The following MRGPRX3 variants were observed in gnomAD, a reference collection of about 807,000 sequenced individuals.
MRGPRX3 encodes MAS related GPR family member X3, also known as mas-related G protein-coupled receptor member X3.
A neutral mutation model predicts 16.5 loss-of-function variants in MRGPRX3; 14 were observed. The ratio of observed to expected loss-of-function variants is 0.85; its 90% CI spans 0.56 to 1.33. MRGPRX3 has a LOEUF of 1.33. MRGPRX3 is among the 40% of genes most tolerant of loss of function. MRGPRX3 has a pLI of 0.00. For missense variants in MRGPRX3, 449 were observed against 413.0 expected (o/e 1.09, Z -0.76); for synonymous variants, 199 against 180.1 (o/e 1.10, Z -0.84).
At chr11:18,131,724 G>C (rs1590305875), upstream of MRGPRX3, among the ~76,000 whole-genome samples, 1 of 151,878 alleles carries the variant, frequency 6.6e-6, no homozygotes, top group East Asian at 1.9e-4. Flanking sequence ...ATACAACTCA[G>C]CCATAAAAAA....
chr11:18,134,842 C>T (rs1403373671), intron 1 of MRGPRX3, among the ~76,000 whole-genome samples: 1 of 152,220 alleles, frequency 6.6e-6, no homozygotes. Context: ...TTCCACTTAA[C>T]AGCACCTGCT....
intron 1 of MRGPRX3, among the ~76,000 whole-genome samples, chr11:18,121,425 G>A (rs1481534856): frequency 7.9e-5 from 12 of 151,864 alleles, no homozygotes; most frequent in Non-Finnish European, 1.5e-4. Flanking sequence ...CCCTCTGCCA[G>A]GCCACACGCT....
intron 1 of MRGPRX3, among the ~76,000 whole-genome samples, chr11:18,133,578 G>A (rs12287904): frequency 1.1e-4 from 16 of 152,042 alleles, no homozygotes; most frequent in African/African-American, 2.9e-4. Flanking sequence ...GTTTAAAAGC[G>A]TGTAGCACCT....
intron 1 of MRGPRX3, among the ~76,000 whole-genome samples, chr11:18,126,954 G>A (rs1425067803): frequency 6.6e-6 from 1 of 152,182 alleles, no homozygotes; most frequent in East Asian, 1.9e-4. Context: ...ATAAACATAT[G>A]TGTGCATGTG....
intron 1 of MRGPRX3, among the ~76,000 whole-genome samples, chr11:18,135,700 T>C (rs1373337476): frequency 6.6e-6 from 1 of 152,154 alleles, no homozygotes; most frequent in Non-Finnish European, 1.5e-5. Flanking sequence ...ATTTTGACTG[T>C]CAACTTGGAT....
At chr11:18,130,793 G>T (rs1487243784), upstream of MRGPRX3, among the ~76,000 whole-genome samples, 5 of 151,142 alleles carry the variant, frequency 3.3e-5, no homozygotes, top group African/African-American at 1.2e-4. Context: ...ATACTACAAG[G>T]CTATAATCAC....
chr11:18,123,908 C>T (rs1185789398), intron 1 of MRGPRX3, among the ~76,000 whole-genome samples: 3 of 152,190 alleles, frequency 2.0e-5, no homozygotes, highest in Non-Finnish European at 4.4e-5. Flanking sequence ...CCTCACATCC[C>T]TTGTAAGCTG....
chr11:18,127,705 C>G (rs1362674759), upstream of MRGPRX3, among the ~76,000 whole-genome samples: 2 of 152,174 alleles, frequency 1.3e-5, no homozygotes, highest in Non-Finnish European at 2.9e-5. Context: ...ACTTCTTTGC[C>G]ATGGGTTCGA....
At position 18,137,846 on chromosome 11, in the gene MRGPRX3, A is replaced by G; in HGVS notation, c.644A>G (p.Tyr215Cys). The G allele has an allele frequency of 1.9e-6, 3 of 1,614,106 alleles. No homozygotes were observed. The highest frequency in any genetic ancestry group is 1.1e-5 in the South Asian group (1 of 91,072). Residue 215 changes from tyrosine (Y) to cysteine (C), a missense_variant, in exon 2 of 2, where the codon TAC (tyrosine) becomes TGC (cysteine). Transcript: ENST00000621697. ...GSRKMPLTRLYVTILLTVLVF... is the reference protein window; with the variant it reads ...GSRKMPLTRLCVTILLTVLVF... ...CGGAAGATGCCGCTGACCAGGCTGTACGTGACCATCCTCCTCACAGTGCTG... is the reference window on the plus strand; with the variant it reads ...CGGAAGATGCCGCTGACCAGGCTGTGCGTGACCATCCTCCTCACAGTGCTG...
At chr11:18,132,547 A>G (rs1347832522), upstream of MRGPRX3, 1 of 152,190 alleles carries the variant, frequency 6.6e-6, no homozygotes, top group African/African-American at 2.4e-5. Flanking sequence ...CATAGTCCTC[A>G]TACAGGAAAT....
At chr11:18,129,895 G>A (rs1019395916), upstream of MRGPRX3, among the ~76,000 whole-genome samples, 23 of 152,112 alleles carry the variant, frequency 1.5e-4, no homozygotes, top group African/African-American at 5.1e-4. Flanking sequence ...CAATAAATGT[G>A]ATACATCACA....
intron 1 of MRGPRX3, among the ~76,000 whole-genome samples, chr11:18,124,296 GC>G (rs879717663): frequency 3.9e-5 from 6 of 152,118 alleles, no homozygotes; most frequent in Admixed American, 6.6e-5. Context: ...TCCAGTTTTT[GC>G]CCATTCAGTA....
chr11:18,137,667 C>G lies in MRGPRX3; in HGVS notation c.465C>G (p.Ile155Met). 5 of 1,614,114 alleles carry G rather than the reference C, an allele frequency of 3.1e-6. No homozygotes were observed. Among genetic ancestry groups the G allele is most frequent in the South Asian group, 2.2e-5 (2 of 91,072 alleles). Reference sequence around the variant, plus strand: ...GGGCCCTGTCCCTGCTGCGGAGTATCCTGGAGTGGATGTTCTGTGACTTCC... The same window carrying G: ...GGGCCCTGTCCCTGCTGCGGAGTATGCTGGAGTGGATGTTCTGTGACTTCC... ...LLWALSLLRS[I>M]LEWMFCDFLF... The change falls in exon 2 of 2, where the codon ATC (isoleucine) becomes ATG (methionine). Residue 155 changes from isoleucine to methionine, a missense_variant. By Grantham distance (10) the Ile-to-Met change is conservative. Transcript: ENST00000621697.
chr11:18,137,153 G>T, intron 1 of MRGPRX3, 25 bp from the exon 2 acceptor site: 2 of 1,536,674 alleles, frequency 1.3e-6, no homozygotes, highest in South Asian at 1.3e-5. Flanking sequence ...AACAGCTGGT[G>T]ATCACATCTG....
upstream of MRGPRX3, among the ~76,000 whole-genome samples, chr11:18,131,383 T>A (rs79694725): frequency 6.6e-6 from 1 of 151,844 alleles, no homozygotes; most frequent in Middle Eastern, 3.2e-3. Flanking sequence ...AGGACATGAA[T>A]AGACAATTCT....
intron 1 of MRGPRX3, among the ~76,000 whole-genome samples, chr11:18,124,849 AT>A (rs1300234270): frequency 6.6e-6 from 1 of 152,182 alleles, no homozygotes; most frequent in Non-Finnish European, 1.5e-5. Context: ...GATGTTAATT[AT>A]TACCTCAATT....
At position 18,137,188 on chromosome 11, in the gene MRGPRX3, C is replaced by T; in HGVS notation, c.-15C>T. ...GGTTTCTGTTTCCAGGGTCATCAGA[C>T]TGGGGTTTCTGAGCATGGATTCAAC... is the stretch of plus-strand genomic sequence containing the variant. On this transcript the variant is annotated 5_prime_UTR_variant, in exon 2 of 2. Coordinates refer to ENST00000621697, the MANE Select transcript of MRGPRX3 (RefSeq NM_001370464.1). 6.4e-7 allele frequency: 1 copy of T among 1,568,350 alleles called. No homozygotes were observed. Among genetic ancestry groups the T allele is most frequent in the Non-Finnish European group, 8.7e-7 (1 of 1,154,854 alleles).
chr11:18,133,204 G>A (rs1262175854), intron 1 of MRGPRX3, among the ~76,000 whole-genome samples: 1 of 152,218 alleles, frequency 6.6e-6, no homozygotes, highest in Non-Finnish European at 1.5e-5. Flanking sequence ...GATGCACAGA[G>A]TTAAGGGTCA....
At chr11:18,136,787 C>A (rs1468350662) in intron 1 of MRGPRX3, among the ~76,000 whole-genome samples, 1 of 152,158 alleles carries the variant, frequency 6.6e-6, no homozygotes, top group Non-Finnish European at 1.5e-5. Flanking sequence ...ATCTTTTTTC[C>A]TGTCCAGAGA....
Sources: allele counts gnomAD v4.1 joint callset (sites outside exome capture counted in the v4.1 genomes callset), GRCh38; gene constraint gnomAD v4.1.1; transcripts MANE v1.5; gene names NCBI Gene and HGNC (gene_info 2026-07-23, HGNC 2026-07-21).